ARL15: variants seen among roughly 807,000 people sequenced by gnomAD.
The protein encoded by ARL15 is ADP-ribosylation factor-like protein 15.
Under a neutral mutation model 25.2 loss-of-function variants are expected in ARL15, and 19 were observed. That is an observed-to-expected ratio of 0.75 (90% CI 0.53 to 1.10). ARL15 has a LOEUF of 1.10. Ranked by LOEUF, ARL15 falls within the 50% of genes least tolerant of loss-of-function variation. The pLI is 0.00. For missense variants in ARL15, 220 were observed against 246.0 expected (o/e 0.89, Z 0.71); for synonymous variants, 94 against 86.8 (o/e 1.08, Z -0.46).
chr5:53,979,829 TTGTGTGTGTGTGTGTGTGTGTGTGTGTG>T (rs70986653), intron 4 of ARL15, among the ~76,000 whole-genome samples: 13 of 143,172 alleles, frequency 9.1e-5, no homozygotes, highest in African/African-American at 2.3e-4. Flanking sequence ...TTAAAGTCTT[TTGTGTGTGTGTGTGTGTGTGTGTGTGTG>T]TGTGTGTGTG....
intron 1 of ARL15, among the ~76,000 whole-genome samples, chr5:54,227,748 C>T (rs1012614759): frequency 1.3e-5 from 2 of 152,220 alleles, no homozygotes; most frequent in African/African-American, 2.4e-5. Context: ...AACTTTTCCA[C>T]ATTTGAGCAC....
chr5:54,069,384 A>T (rs1284641173), intron 4 of ARL15, among the ~76,000 whole-genome samples: 4 of 152,100 alleles, frequency 2.6e-5, no homozygotes, highest in African/African-American at 9.6e-5. Flanking sequence ...CAGCCTGGCC[A>T]ACATGGCGAA....
intron 3 of ARL15, among the ~76,000 whole-genome samples, chr5:54,153,808 A>C (rs1182215380): frequency 2.0e-5 from 3 of 152,196 alleles, no homozygotes; most frequent in African/African-American, 7.2e-5. Context: ...AGTTAGAATG[A>C]CCTTAAGGGA....
chr5:54,214,250 C>G (rs763288340), intron 1 of ARL15, among the ~76,000 whole-genome samples: 1 of 152,194 alleles, frequency 6.6e-6, no homozygotes, highest in Non-Finnish European at 1.5e-5. Context: ...AACTTTGCTA[C>G]AGCCACTGGA....
chr5:53,919,801 G>A (rs560476392), intron 4 of ARL15, among the ~76,000 whole-genome samples: 1 of 152,322 alleles, frequency 6.6e-6, no homozygotes, highest in African/African-American at 2.4e-5. Flanking sequence ...AGCAACCAGT[G>A]ACATTGGTGT....
intron 1 of ARL15, among the ~76,000 whole-genome samples, chr5:54,298,502 C>T (rs2112706120): frequency 6.6e-6 from 1 of 152,310 alleles, no homozygotes; most frequent in Non-Finnish European, 1.5e-5. Flanking sequence ...ACTGCACCAG[C>T]ACTGCGCCAT....
intron 1 of ARL15, among the ~76,000 whole-genome samples, chr5:54,273,398 A>T (rs1757841510): frequency 6.6e-6 from 1 of 152,250 alleles, no homozygotes; most frequent in African/African-American, 2.4e-5. Context: ...GTTTAATCTT[A>T]ACCTAATCAC....
In ARL15 at chr5:54,113,077, T is replaced by C. The variant is rs542120721; in HGVS notation, c.462+125A>G. On this transcript the variant is annotated intron_variant, in intron 4 of 4. Coordinates refer to ENST00000504924, the MANE Select transcript of ARL15 (RefSeq NM_019087.3). The stretch of plus-strand genomic sequence containing the variant: ...TAGGCTTTCTGCTTCCTATGAAAAC[T>C]AAGGTTTCATGTTGAAAGCAGCATA... The C allele has an allele frequency of 5.6e-5, 52 of 928,812 alleles. No individual in the cohort carries two copies. The African/African-American group carries it at 8.5e-4, about 15-fold the overall frequency. The allele number at this position is 928,812 out of a possible 1,614,324, so 57.5% of individuals were successfully genotyped here.
chr5:54,060,695 G>A (rs1751037855), intron 4 of ARL15, among the ~76,000 whole-genome samples: 1 of 152,150 alleles, frequency 6.6e-6, no homozygotes, highest in Non-Finnish European at 1.5e-5. Flanking sequence ...GTAGAGTTGG[G>A]CATTGCTGAA....
intron 4 of ARL15, among the ~76,000 whole-genome samples, chr5:53,922,285 C>T (rs975450352): frequency 1.1e-4 from 16 of 152,090 alleles, no homozygotes; most frequent in African/African-American, 2.7e-4. Flanking sequence ...TGTTTAGTAA[C>T]GAGGATACAA....
intron 4 of ARL15, among the ~76,000 whole-genome samples, chr5:53,933,538 A>T (rs369173102): frequency 6.7e-6 from 1 of 148,748 alleles, no homozygotes; most frequent in African/African-American, 2.5e-5. Flanking sequence ...CCAGCTACTC[A>T]GGAGGCTGAG....
chr5:54,003,018 A>G (rs1359459098), intron 4 of ARL15, among the ~76,000 whole-genome samples: 1 of 152,200 alleles, frequency 6.6e-6, no homozygotes, highest in African/African-American at 2.4e-5. Context: ...AGTAGTAGTC[A>G]ATGGAAAAAG....
At chr5:53,984,464 C>A (rs1282724500) in intron 4 of ARL15, among the ~76,000 whole-genome samples, 5 of 152,084 alleles carry the variant, frequency 3.3e-5, no homozygotes, top group Admixed American at 2.6e-4. Context: ...TTACTCAATT[C>A]AGTTCCACGG....
At chr5:53,887,118 C>G (rs1744553202) in intron 4 of ARL15, among the ~76,000 whole-genome samples, 1 of 152,154 alleles carries the variant, frequency 6.6e-6, no homozygotes, top group Non-Finnish European at 1.5e-5. Context: ...TGGGTGACGA[C>G]TTACAGTAGG....
At chr5:53,959,747 G>A (rs1483833415) in intron 4 of ARL15, among the ~76,000 whole-genome samples, 1 of 151,898 alleles carries the variant, frequency 6.6e-6, no homozygotes, top group African/African-American at 2.4e-5. Flanking sequence ...TTCCATGCTC[G>A]TGATCATCCA....
chr5:54,206,367 T>A, intron 1 of ARL15, among the ~76,000 whole-genome samples: 1 of 152,186 alleles, frequency 6.6e-6, no homozygotes, highest in South Asian at 2.1e-4. Context: ...ACAGCCCTCA[T>A]TGAAGTTATA....
intron 1 of ARL15, among the ~76,000 whole-genome samples, chr5:54,278,897 T>G (rs562720566): frequency 6.6e-6 from 1 of 152,252 alleles, no homozygotes; most frequent in East Asian, 1.9e-4. Flanking sequence ...GAGGCATACA[T>G]TTACCTGTAT....
intron 3 of ARL15, among the ~76,000 whole-genome samples, chr5:54,127,502 C>T (rs1284813254): frequency 2.0e-5 from 3 of 151,336 alleles, no homozygotes; most frequent in Non-Finnish European, 2.9e-5. Context: ...CAAACCACTG[C>T]TCAAGGAAAT....
intron 3 of ARL15, among the ~76,000 whole-genome samples, chr5:54,142,001 T>G (rs1321332529): frequency 1.3e-5 from 2 of 152,214 alleles, no homozygotes; most frequent in East Asian, 3.8e-4. Flanking sequence ...TCCAGTATTG[T>G]GTTATTACAA....
Sources: allele counts gnomAD v4.1 joint callset (sites outside exome capture counted in the v4.1 genomes callset), GRCh38; gene constraint gnomAD v4.1.1; transcripts MANE v1.5; gene names NCBI Gene and HGNC (gene_info 2026-07-23, HGNC 2026-07-21).